KCNQ5: variants seen among roughly 807,000 people sequenced by gnomAD.
KCNQ5 encodes potassium voltage-gated channel subfamily Q member 5.
A neutral mutation model predicts 98.2 loss-of-function variants in KCNQ5; 30 were observed. The observed-to-expected ratio is 0.31, with a 90% confidence interval of 0.23 to 0.41. The LOEUF (loss-of-function observed/expected upper bound fraction) is 0.41, where lower values mean the gene tolerates loss of function less well. KCNQ5 is among the 10% of genes least tolerant of loss of function. The pLI, the probability that KCNQ5 is intolerant of heterozygous loss-of-function variation, is 1.00. For synonymous variants in KCNQ5, 458 were observed against 449.4 expected (o/e 1.02, Z -0.24); for missense variants, 835 against 1,182.5 (o/e 0.71, Z 4.31).
intron 1 of KCNQ5, among the ~76,000 whole-genome samples, chr6:72,707,969 C>T (rs991348288): frequency 8.5e-5 from 13 of 152,126 alleles, no homozygotes; most frequent in Non-Finnish European, 7.4e-5. Context: ...CAGGCATGAG[C>T]CACTGCCTCA....
At chr6:73,189,527 A>G (rs1765508604) in intron 11 of KCNQ5, among the ~76,000 whole-genome samples, 1 of 152,186 alleles carries the variant, frequency 6.6e-6, no homozygotes, top group African/African-American at 2.4e-5. Flanking sequence ...CCCACTTTCC[A>G]CCAAGTGACA....
chr6:72,756,836 T>C (rs1771995101), intron 1 of KCNQ5, among the ~76,000 whole-genome samples: 2 of 152,120 alleles, frequency 1.3e-5, no homozygotes, highest in Admixed American at 1.3e-4. Flanking sequence ...TATTTATATA[T>C]ATACAAATGA....
chr6:72,750,649 G>T (rs531775735), intron 1 of KCNQ5, among the ~76,000 whole-genome samples: 2 of 151,836 alleles, frequency 1.3e-5, no homozygotes, highest in South Asian at 4.2e-4. Context: ...CATTCTATAT[G>T]ATCAAATATG....
intron 11 of KCNQ5, among the ~76,000 whole-genome samples, chr6:73,177,527 A>T (rs754826458): frequency 5.3e-5 from 8 of 152,234 alleles, no homozygotes; most frequent in Non-Finnish European, 1.0e-4. Flanking sequence ...GACCATCCCT[A>T]AAATGCAATC....
chr6:72,684,495 T>A (rs1293142296), intron 1 of KCNQ5, among the ~76,000 whole-genome samples: 1 of 152,266 alleles, frequency 6.6e-6, no homozygotes, highest in Non-Finnish European at 1.5e-5. Flanking sequence ...GAGATAGACT[T>A]GCCTCTGCCA....
intron 1 of KCNQ5, among the ~76,000 whole-genome samples, chr6:72,768,043 A>G (rs1772668863): frequency 6.6e-6 from 1 of 152,110 alleles, no homozygotes; most frequent in Non-Finnish European, 1.5e-5. Flanking sequence ...TTGAACATTA[A>G]TGTTCATAGA....
chr6:73,019,657 T>C (rs1415364075), intron 2 of KCNQ5, among the ~76,000 whole-genome samples: 2 of 152,176 alleles, frequency 1.3e-5, no homozygotes, highest in Non-Finnish European at 1.5e-5. Context: ...TTTACAAACC[T>C]ATTTATCAAA....
At chr6:72,681,232 A>C (rs902343225) in intron 1 of KCNQ5, among the ~76,000 whole-genome samples, 2 of 152,218 alleles carry the variant, frequency 1.3e-5, no homozygotes, top group African/African-American at 4.8e-5. Context: ...GAATAAAGCA[A>C]CGGGGGCTTG....
intron 1 of KCNQ5, chr6:72,806,912 A>G (rs1188968107): frequency 2.6e-6 from 1 of 388,342 alleles, no homozygotes; most frequent in Non-Finnish European, 5.0e-6. Flanking sequence ...TACAGTTTGA[A>G]AAACTTCTTT....
chr6:72,876,216 C>T (rs772978864), intron 1 of KCNQ5, among the ~76,000 whole-genome samples: 5 of 151,964 alleles, frequency 3.3e-5, no homozygotes, highest in South Asian at 2.1e-4. Flanking sequence ...CCAGTAATTT[C>T]GTGGATAAAT....
At chr6:73,052,583 T>C (rs1772294296) in intron 3 of KCNQ5, among the ~76,000 whole-genome samples, 3 of 152,200 alleles carry the variant, frequency 2.0e-5, no homozygotes, top group African/African-American at 4.8e-5. Context: ...AGGACCTATA[T>C]TCAGCATTAT....
intron 3 of KCNQ5, among the ~76,000 whole-genome samples, chr6:73,056,752 G>C (rs1772518698): frequency 6.6e-6 from 1 of 151,986 alleles, no homozygotes; most frequent in Non-Finnish European, 1.5e-5. Context: ...TAATAAAGGA[G>C]TGATGTGCAA....
At chr6:73,108,602 G>A (rs776790725) in intron 6 of KCNQ5, among the ~76,000 whole-genome samples, 3 of 152,098 alleles carry the variant, frequency 2.0e-5, no homozygotes, top group Non-Finnish European at 2.9e-5. Flanking sequence ...CGAGGCGGTC[G>A]GATCACAAGG....
intron 1 of KCNQ5, among the ~76,000 whole-genome samples, chr6:72,859,456 A>G (rs1266023084): frequency 2.0e-5 from 3 of 152,066 alleles, no homozygotes; most frequent in Non-Finnish European, 4.4e-5. Flanking sequence ...TATATCATAC[A>G]TCACTTTTTC....
At chr6:72,791,105 C>T (rs1006617464) in intron 1 of KCNQ5, among the ~76,000 whole-genome samples, 5 of 152,188 alleles carry the variant, frequency 3.3e-5, no homozygotes, top group South Asian at 2.1e-4. Context: ...TGGCTTCTTC[C>T]GTAGAGAAGC....
chr6:72,940,816 G>A (rs1766195345), intron 1 of KCNQ5, among the ~76,000 whole-genome samples: 1 of 152,056 alleles, frequency 6.6e-6, no homozygotes, highest in African/African-American at 2.4e-5. Flanking sequence ...TGGTAAAGGG[G>A]GAATAACAGT....
intron 1 of KCNQ5, among the ~76,000 whole-genome samples, chr6:72,941,616 TGAC>T (rs1766305479): frequency 7.0e-6 from 1 of 141,874 alleles, no homozygotes; most frequent in Non-Finnish European, 1.5e-5. Context: ...CCTTCCTTCC[TGAC>T]TTCCTCCCCT....
At chr6:72,945,104 C>T (rs920205511) in intron 1 of KCNQ5, among the ~76,000 whole-genome samples, 1 of 152,040 alleles carries the variant, frequency 6.6e-6, no homozygotes, top group Non-Finnish European at 1.5e-5. Flanking sequence ...GTCCTTTGAA[C>T]ATACAAGGAA....
rs73753265 is a variant in KCNQ5, at chr6:73,137,790, A to G, written c.1468+4149A>G. On this transcript the variant is annotated intron_variant, in intron 10 of 13. Coordinates refer to ENST00000370398, the MANE Select transcript of KCNQ5 (RefSeq NM_019842.4). ...AGGAGCCACCATGCACATGCAGGCA[A>G]TTGAATTTCACGGTCCTCCTACAAA... is the stretch of plus-strand genomic sequence containing the variant. Among the ~76,000 whole-genome samples, 588 of 152,318 alleles carry G rather than the reference A, an allele frequency of 3.9e-3. 6 individuals are homozygous for G. Among genetic ancestry groups the G allele is most frequent in the African/African-American group, 0.013 (556 of 41,566 alleles).
Sources: gnomAD v4.1 joint callset for allele counts (sites outside exome capture counted in the v4.1 genomes callset) on GRCh38, gnomAD v4.1.1 for gene constraint, MANE v1.5 for transcripts, NCBI Gene and HGNC (gene_info 2026-07-23, HGNC 2026-07-21) for gene names.